RIMKLB: variants seen among roughly 807,000 people sequenced by gnomAD.
The protein encoded by RIMKLB is beta-citrylglutamate synthase B.
RIMKLB carries 7 observed loss-of-function variants against 32.0 expected under a neutral mutation model. That is an observed-to-expected ratio of 0.22 (90% CI 0.12 to 0.41). The LOEUF (loss-of-function observed/expected upper bound fraction) is 0.41, where lower values mean the gene tolerates loss of function less well. Among genes scored for constraint, RIMKLB ranks in the 10% least tolerant of loss-of-function variants. RIMKLB has a pLI of 1.00. For missense variants in RIMKLB, 289 were observed against 498.7 expected (o/e 0.58, Z 4.00); for synonymous variants, 172 against 185.1 (o/e 0.93, Z 0.57).
intron 1 of RIMKLB, among the ~76,000 whole-genome samples, chr12:8,690,781 G>C (rs758004368): frequency 6.6e-6 from 1 of 152,128 alleles, no homozygotes; most frequent in Non-Finnish European, 1.5e-5. Context: ...AAATTAGCTG[G>C]GTGTGGTGGT....
intron 1 of RIMKLB, among the ~76,000 whole-genome samples, chr12:8,711,785 C>T (rs2136926504): frequency 6.6e-6 from 1 of 152,192 alleles, no homozygotes; most frequent in Non-Finnish European, 1.5e-5. Flanking sequence ...CTTTCTGAGA[C>T]CTTCCCAAGT....
Position 8,775,865 on chromosome 12 carries a change from C to T in RIMKLB, c.*2081C>T, listed in dbSNP as rs868070717. ...ATTGCATTTAAAAGAACTTATCTTG[C>T]GCAGGGTAAATGGGGGACTCACATA... On this transcript the variant is annotated 3_prime_UTR_variant, in exon 6 of 6. Transcript: ENST00000535829. The T allele has an allele frequency of 2.7e-5, 27 of 984,746 alleles. No homozygotes were observed. In the South Asian group the frequency reaches 3.3e-4, roughly 12 times the overall value. The allele number at this position is 984,746 out of a possible 1,614,324, so 61.0% of individuals were successfully genotyped here.
the RIMKLB span, among the ~76,000 whole-genome samples, chr12:8,675,993 A>G: frequency 2.0e-5 from 3 of 152,198 alleles, no homozygotes; most frequent in African/African-American, 7.2e-5. Context: ...AAGTTAATCT[A>G]TAATCTGAGA....
At chr12:8,770,212 C>G (rs538091066) in intron 5 of RIMKLB, among the ~76,000 whole-genome samples, 1 of 152,204 alleles carries the variant, frequency 6.6e-6, no homozygotes, top group East Asian at 1.9e-4. Flanking sequence ...ATCTGTTCGC[C>G]TCGACCTCCC....
chr12:8,721,799 AG>A (rs1335800908), intron 2 of RIMKLB, among the ~76,000 whole-genome samples: 1 of 152,036 alleles, frequency 6.6e-6, no homozygotes, highest in East Asian at 1.9e-4. Flanking sequence ...GCTGGAGTGC[AG>A]TGGCACGATC....
chr12:8,680,960 G>A (rs1022771043), upstream of RIMKLB, among the ~76,000 whole-genome samples: 1 of 151,616 alleles, frequency 6.6e-6, no homozygotes, highest in Non-Finnish European at 1.5e-5. Flanking sequence ...TGTTCCTGGG[G>A]TCAGAGCTGC....
chr12:8,721,163 C>T (rs1945406716), intron 2 of RIMKLB, among the ~76,000 whole-genome samples: 1 of 152,192 alleles, frequency 6.6e-6, no homozygotes, highest in African/African-American at 2.4e-5. Context: ...CAGACCACCA[C>T]AGTCAAGCAA....
At chr12:8,708,082 G>GT (rs1944056003) in intron 1 of RIMKLB, among the ~76,000 whole-genome samples, 1 of 152,144 alleles carries the variant, frequency 6.6e-6, no homozygotes, top group Non-Finnish European at 1.5e-5. Context: ...TCCACTGTGT[G>GT]TTACAATAGA....
chr12:8,690,101 C>A (rs1942689035), intron 1 of RIMKLB, among the ~76,000 whole-genome samples: 1 of 152,136 alleles, frequency 6.6e-6, no homozygotes, highest in Admixed American at 6.5e-5. Flanking sequence ...CCTTTTTAAA[C>A]CTCAAAACAT....
chr12:8,706,258 G>C (rs1438740093), intron 1 of RIMKLB, among the ~76,000 whole-genome samples: 3 of 151,704 alleles, frequency 2.0e-5, no homozygotes, highest in Non-Finnish European at 4.4e-5. Context: ...CTCTTCCTCA[G>C]GCTCCCAAGT....
chr12:8,750,151 A>T, intron 3 of RIMKLB, 59 bp downstream of exon 3: 4 of 1,059,192 alleles, frequency 3.8e-6, no homozygotes, highest in Non-Finnish European at 5.8e-6. Flanking sequence ...TTTTAATAGG[A>T]TAAATTTACA....
intron 2 of RIMKLB, among the ~76,000 whole-genome samples, chr12:8,724,216 A>G (rs1464651074): frequency 6.6e-6 from 1 of 152,030 alleles, no homozygotes; most frequent in Non-Finnish European, 1.5e-5. Flanking sequence ...GAAGATTTTC[A>G]ATTCTGTCAT....
chr12:8,718,123 C>T (rs1359483620), intron 2 of RIMKLB, among the ~76,000 whole-genome samples: 1 of 151,992 alleles, frequency 6.6e-6, no homozygotes, highest in Non-Finnish European at 1.5e-5. Context: ...AACTACTGTG[C>T]CAGCTATTCC....
chr12:8,689,122 C>T (rs899716475), intron 1 of RIMKLB, among the ~76,000 whole-genome samples: 11 of 152,290 alleles, frequency 7.2e-5, no homozygotes, highest in South Asian at 4.1e-4. Context: ...AGGCGTGAGC[C>T]GCTGCACCCG....
intron 1 of RIMKLB, among the ~76,000 whole-genome samples, chr12:8,698,874 A>T (rs1400311475): frequency 6.6e-6 from 1 of 152,050 alleles, no homozygotes; most frequent in African/African-American, 2.4e-5. Context: ...TGAGAAGGGG[A>T]TGACCAAATA....
At chr12:8,730,493 T>C (rs1036160976) in intron 2 of RIMKLB, among the ~76,000 whole-genome samples, 1 of 152,202 alleles carries the variant, frequency 6.6e-6, no homozygotes, top group African/African-American at 2.4e-5. Flanking sequence ...ATAGCTTGCC[T>C]CAGGCCTCTG....
chr12:8,748,558 G>GTGTATA (rs61024080), intron 2 of RIMKLB, among the ~76,000 whole-genome samples: 2 of 56,266 alleles, frequency 3.6e-5, no homozygotes, highest in Non-Finnish European at 8.8e-5. Context: ...GTGTGTGTGT[G>GTGTATA]CATATATATA....
At position 8,752,747 on chromosome 12, in the gene RIMKLB, G is replaced by GT. The variant is rs113660868; in HGVS notation, c.493+714dup. ...TTGTTGTTGTTATTGTTTGTTTTTT[G>GT]TTTTTTTTTTGAGATGGAGTTTTGC... On this transcript the variant is annotated intron_variant, in intron 4 of 5. Coordinates refer to ENST00000535829, the MANE Select transcript of RIMKLB (RefSeq NM_001297776.2). Among the ~76,000 whole-genome samples the GT allele has an allele frequency of 1.9e-3, 278 of 146,530 alleles. 2 individuals carry two copies. The highest frequency in any genetic ancestry group is 0.016 in the South Asian group (73 of 4,596).
chr12:8,720,783 G>A (rs772268101), intron 2 of RIMKLB, among the ~76,000 whole-genome samples: 3 of 152,102 alleles, frequency 2.0e-5, no homozygotes, highest in South Asian at 2.1e-4. Flanking sequence ...TGAATGATCC[G>A]CCCCCCTCGG....
Sources: gnomAD v4.1 joint callset for allele counts (sites outside exome capture counted in the v4.1 genomes callset) on GRCh38, gnomAD v4.1.1 for gene constraint, MANE v1.5 for transcripts, NCBI Gene and HGNC (gene_info 2026-07-23, HGNC 2026-07-21) for gene names.